ERICH1: variants seen among roughly 807,000 people sequenced by gnomAD.
The protein encoded by ERICH1 is glutamate rich 1.
Under a neutral mutation model 39.6 loss-of-function variants are expected in ERICH1, and 56 were observed. The observed-to-expected ratio is 1.41, with a 90% CI of 1.14 to 1.77. The LOEUF (loss-of-function observed/expected upper bound fraction) is 1.77. Among genes scored for constraint, ERICH1 ranks in the 40% most tolerant of loss-of-function variants. The pLI, the probability that ERICH1 is intolerant of heterozygous loss-of-function variation, is 0.00. For synonymous variants in ERICH1, 313 were observed against 223.6 expected, an observed-to-expected ratio of 1.40 and a Z score of -3.57; for missense variants, 826 against 575.4, an observed-to-expected ratio of 1.44 and a Z score of -4.45.
Position 671,566 on chromosome 8 carries a change from C to T in ERICH1, c.1063+1723G>A, listed in dbSNP as rs1255794124. Among the ~76,000 whole-genome samples the T allele has an allele frequency of 7.5e-5, 11 of 147,530 alleles. No homozygotes were observed. In the East Asian group the frequency reaches 1.9e-3, roughly 25 times the overall value. ...GCCGGCCCTGGCTGTAATGTCTGTG[C>T]CCACTGGTCCCCAGGCTCTGACCTC... On this transcript the variant is annotated intron_variant, in intron 4 of 5. Coordinates refer to ENST00000262109, the MANE Select transcript of ERICH1 (RefSeq NM_207332.3).
At chr8:707,284 T>C (rs182066593) in intron 2 of ERICH1, among the ~76,000 whole-genome samples, 10 of 150,368 alleles carry the variant, frequency 6.7e-5, no homozygotes, top group East Asian at 3.9e-4. Flanking sequence ...CTTGGCTCAC[T>C]GCAACCTCTG....
intron 3 of ERICH1, among the ~76,000 whole-genome samples, chr8:650,555 C>T (rs542865702): frequency 2.6e-5 from 4 of 152,304 alleles, no homozygotes; most frequent in East Asian, 3.9e-4. Flanking sequence ...CCCCCGAGGC[C>T]GGCCCCAGAC....
rs1797406135 is a variant in ERICH1, at chr8:623,389, C to T, written c.977-8105G>A. 1.3e-5 allele frequency among the ~76,000 whole-genome samples: 2 copies of T among 152,158 alleles called. 1 individual carries two copies. Among genetic ancestry groups the T allele is most frequent in the South Asian group, 4.1e-4 (2 of 4,824 alleles). On this transcript the variant is annotated intron_variant, in intron 3 of 3. Transcript: ENST00000522706. ...CAAACTAGAAATCGAAGGAAACCTCCTCAGCCTGATGCTTATGTTTATGGT... is the reference window on the plus strand; with the variant it reads ...CAAACTAGAAATCGAAGGAAACCTCTTCAGCCTGATGCTTATGTTTATGGT...
intron 3 of ERICH1, among the ~76,000 whole-genome samples, chr8:619,129 TG>T (rs1400162198): frequency 6.6e-6 from 1 of 150,978 alleles, no homozygotes; most frequent in Non-Finnish European, 1.5e-5. Flanking sequence ...GAAAAGAAAA[TG>T]GGGGCCCTAC....
At chr8:690,193 C>G (rs1808588998) in intron 3 of ERICH1, among the ~76,000 whole-genome samples, 1 of 152,180 alleles carries the variant, frequency 6.6e-6, no homozygotes, top group Non-Finnish European at 1.5e-5. Context: ...TCAAGACTTC[C>G]CACAGCCCGT....
intron 3 of ERICH1, among the ~76,000 whole-genome samples, chr8:616,820 G>A (rs1796934737): frequency 1.8e-5 from 1 of 54,106 alleles, no homozygotes; most frequent in Admixed American, 1.9e-4. Context: ...GGAAGAGACG[G>A]GGGGAGAGAG....
intron 2 of ERICH1, among the ~76,000 whole-genome samples, chr8:715,159 G>C (rs115698133): frequency 9.9e-5 from 15 of 151,954 alleles, no homozygotes; most frequent in African/African-American, 3.6e-4. Flanking sequence ...CTGCACCCAG[G>C]TGGCCTCTTC....
At chr8:709,352 G>A (rs1425598826) in intron 2 of ERICH1, among the ~76,000 whole-genome samples, 1 of 152,158 alleles carries the variant, frequency 6.6e-6, no homozygotes, top group Non-Finnish European at 1.5e-5. Flanking sequence ...CCGAAGCAGG[G>A]GCAGCATCTG....
At chr8:650,661 A>G (rs73531471) in intron 3 of ERICH1, among the ~76,000 whole-genome samples, 27,753 of 152,170 alleles carry the variant, frequency 0.18, 3,339 homozygotes, top group East Asian at 0.48. Flanking sequence ...GGAGAGAAGG[A>G]GGACATGAGG....
At chr8:630,809 C>T (rs1371038083) in intron 3 of ERICH1, among the ~76,000 whole-genome samples, 2 of 148,566 alleles carry the variant, frequency 1.3e-5, no homozygotes, top group African/African-American at 2.5e-5. Context: ...CCGTGACCAC[C>T]CACACAGACA....
intron 5 of ERICH1, chr8:666,457 C>G (rs979068123): frequency 6.6e-6 from 1 of 152,220 alleles, no homozygotes; most frequent in Admixed American, 6.5e-5. Context: ...AAACAGATGC[C>G]CGCCTGGGGC....
chr8:708,216 A>T (rs1352666418), intron 2 of ERICH1, among the ~76,000 whole-genome samples: 1 of 152,232 alleles, frequency 6.6e-6, no homozygotes, highest in African/African-American at 2.4e-5. Context: ...GCTGCTGTGG[A>T]CAAGAGTCCG....
chr8:652,651 C>A (rs1800121543), intron 3 of ERICH1, among the ~76,000 whole-genome samples: 1 of 152,184 alleles, frequency 6.6e-6, no homozygotes, highest in Non-Finnish European at 1.5e-5. Context: ...GTTGAGCTTA[C>A]AGGGTGTCTT....
chr8:616,567 C>G (rs997932388), intron 3 of ERICH1: 2 of 455,622 alleles, frequency 4.4e-6, no homozygotes, highest in African/African-American at 4.0e-5. Context: ...AGCTGAAAAA[C>G]AGATCAAGTC....
chr8:650,545 C>A (rs1255532207), intron 3 of ERICH1, among the ~76,000 whole-genome samples: 1 of 152,188 alleles, frequency 6.6e-6, no homozygotes, highest in South Asian at 2.1e-4. Context: ...GCTGCAGGTA[C>A]CCCCGAGGCC....
chr8:663,193 G>A (rs370712595), downstream of ERICH1, among the ~76,000 whole-genome samples: 513 of 152,344 alleles, frequency 3.4e-3, 2 homozygotes, highest in African/African-American at 0.012. Context: ...CGTCTCTTAG[G>A]GACCTGGAGG....
chr8:663,841 G>A (rs1801790873), downstream of ERICH1, among the ~76,000 whole-genome samples: 1 of 151,816 alleles, frequency 6.6e-6, no homozygotes, highest in East Asian at 1.9e-4. Context: ...CTCACTGCAA[G>A]CTCTGCCTCC....
chr8:676,601 G>T (rs561055203), intron 3 of ERICH1, among the ~76,000 whole-genome samples: 1 of 152,316 alleles, frequency 6.6e-6, no homozygotes, highest in East Asian at 1.9e-4. Flanking sequence ...CTGGCGCCAT[G>T]CGGGGGGAAC....
intron 3 of ERICH1, among the ~76,000 whole-genome samples, chr8:657,231 G>A (rs1401111241): frequency 2.0e-5 from 3 of 152,350 alleles, no homozygotes; most frequent in Admixed American, 6.5e-5. Context: ...ATAAACCTGA[G>A]AGGGGCTTCT....
Sources: gnomAD v4.1 joint callset for allele counts (sites outside exome capture counted in the v4.1 genomes callset) on GRCh38, gnomAD v4.1.1 for gene constraint, MANE v1.5 for transcripts, NCBI Gene and HGNC (gene_info 2026-07-23, HGNC 2026-07-21) for gene names.